LARGE2: variants seen among roughly 807,000 people sequenced by gnomAD.
LARGE2 encodes xylosyl- and glucuronyltransferase LARGE2.
LARGE2 carries 63 observed loss-of-function variants against 75.3 expected under a neutral mutation model. The ratio of observed to expected loss-of-function variants is 0.84; its 90% CI spans 0.68 to 1.03. The LOEUF (loss-of-function observed/expected upper bound fraction) is 1.03, where lower values mean the gene tolerates loss of function less well. Among genes scored for constraint, LARGE2 ranks in the 50% least tolerant of loss-of-function variants. LARGE2 has a pLI of 0.00. For missense variants in LARGE2, 925 were observed against 980.6 expected (o/e 0.94, Z 0.76); for synonymous variants, 428 against 420.1 (o/e 1.02, Z -0.23).
Position 45,926,516 on chromosome 11 carries a change from G to T in LARGE2, c.1083G>T (p.Leu361=). The T allele has an allele frequency of 6.2e-7, 1 of 1,614,120 alleles. No individual in the cohort carries two copies. The highest frequency in any genetic ancestry group is 8.5e-7 in the Non-Finnish European group (1 of 1,180,022). Residue 361 remains leucine, a synonymous_variant, in exon 9 of 14, where the codon CTG becomes CTT. Coordinates refer to ENST00000401752, the MANE Select transcript of LARGE2 (RefSeq NM_001300721.2). The part of the protein sequence containing the change: ...KHVEFFRNFY[L]TFLEYDGNLL... Reference sequence around the variant, plus strand: ...TGGAATTCTTCCGCAATTTCTACCTGACCTTCCTGGAGTACGATGGGAACC... The same window carrying T: ...TGGAATTCTTCCGCAATTTCTACCTTACCTTCCTGGAGTACGATGGGAACC...
chr11:45,926,200 T>C (rs1252832028), intron 7 of LARGE2, 22 bp from the exon 8 acceptor site: 2 of 1,612,900 alleles, frequency 1.2e-6, no homozygotes, highest in South Asian at 2.2e-5. Flanking sequence ...GGGGCTGGGA[T>C]GTGATGGGTG....
rs192641010 is a variant in LARGE2, at chr11:45,927,271, T to C, written c.1326-44T>C. ...GGTTTGCCAGGCCTCCCTGAGCTCC[T>C]GTGCAAGAGGGGCAGAGCTGTGCTG... On this transcript the variant is annotated intron_variant, in intron 10 of 13. Transcript: ENST00000401752. 3.2e-6 allele frequency: 5 copies of C among 1,572,268 alleles called. No individual in the cohort carries two copies. In the African/African-American group the frequency reaches 6.7e-5, roughly 21 times the overall value.
intron 6 of LARGE2, among the ~76,000 whole-genome samples, chr11:45,925,239 A>G (rs953296665): frequency 2.4e-4 from 36 of 152,198 alleles, no homozygotes; most frequent in African/African-American, 8.7e-4. Context: ...TCTACGAGCA[A>G]GCTGGGTGCA....
chr11:45,922,811 C>G lies in LARGE2; in HGVS notation c.-62-10C>G. On this transcript the variant is annotated splice_polypyrimidine_tract_variant and intron_variant, in intron 1 of 13. Transcript: ENST00000401752. ...GGGCTGAGTCTCCCATCTCGCCCCT[C>G]GGTCCGCAGGGCCTGCGATGGAGCC... The G allele has an allele frequency of 8.6e-7, 1 of 1,164,080 alleles. No individual in the cohort carries two copies. Among genetic ancestry groups the G allele is most frequent in the African/African-American group, 1.6e-5 (1 of 62,904 alleles). The allele number at this position is 1,164,080 out of a possible 1,614,324, so 72.1% of individuals were successfully genotyped here.
chr11:45,927,719 T>C, intron 11 of LARGE2, 126 bp downstream of exon 11: 2 of 1,462,456 alleles, frequency 1.4e-6, no homozygotes, highest in Non-Finnish European at 1.9e-6. Flanking sequence ...TTGGGGTTTG[T>C]ATTAGGCTGT....
At chr11:45,928,594 G>A in intron 13 of LARGE2, 36 bp from the exon 14 acceptor site, 1 of 1,597,302 alleles carries the variant, frequency 6.3e-7, no homozygotes, top group Non-Finnish European at 8.5e-7. Flanking sequence ...GGCCAGGCAA[G>A]CCAGGCAGCC....
intron 13 of LARGE2, 70 bp from the exon 14 acceptor site, chr11:45,928,560 C>A: frequency 1.3e-6 from 2 of 1,575,644 alleles, no homozygotes; most frequent in Non-Finnish European, 1.7e-6. Flanking sequence ...TAAGCCTGTT[C>A]TCTGGAGCTG....
chr11:45,922,155 C>T (rs1039568003), upstream of LARGE2, among the ~76,000 whole-genome samples: 2 of 152,082 alleles, frequency 1.3e-5, no homozygotes, highest in Admixed American at 6.5e-5. Flanking sequence ...CGGCAGGGCC[C>T]GGCCGGGCCA....
At chr11:45,925,705 T>C (rs187125753) in intron 6 of LARGE2, among the ~76,000 whole-genome samples, 18 of 151,594 alleles carry the variant, frequency 1.2e-4, no homozygotes, top group African/African-American at 4.1e-4. Context: ...ATAAAAAGGA[T>C]AGGTGTGGTG....
intron 10 of LARGE2, 111 bp from the exon 11 acceptor site, chr11:45,927,204 A>G (rs2087190494): frequency 8.2e-7 from 1 of 1,218,334 alleles, no homozygotes; most frequent in South Asian, 1.4e-5. Flanking sequence ...AAGGGTGCTC[A>G]GTAAGTCACT....
At position 45,926,735 on chromosome 11, in the gene LARGE2, G is replaced by A. The variant is rs746753031; in HGVS notation, c.1189G>A (p.Asp397Asn). 3 of 1,613,608 alleles carry A rather than the reference G, an allele frequency of 1.9e-6. No individual in the cohort carries two copies. Among genetic ancestry groups the A allele is most frequent in the South Asian group, 1.1e-5 (1 of 91,064 alleles). Reference protein sequence around the residue: ...EQLQQALAQLDEEDPCFEFRQ... With the variant: ...EQLQQALAQLNEEDPCFEFRQ... ...GTTGCAGCAGGCCCTGGCACAACTG[G>A]ACGAGGAAGACCCCTGCTTTGAGTT... Residue 397 changes from aspartate (D) to asparagine (N), a missense_variant, in exon 10 of 14, where the codon GAC (aspartate) becomes AAC (asparagine). Physicochemically the swap from Asp to Asn is conservative, Grantham distance 23. Coordinates refer to ENST00000401752, the MANE Select transcript of LARGE2 (RefSeq NM_001300721.2).
At position 45,928,914 on chromosome 11, in the gene LARGE2, C is replaced by T; in HGVS notation, c.*69C>T. 6.3e-7 allele frequency: 1 copy of T among 1,575,428 alleles called. No individual in the cohort carries two copies. Among genetic ancestry groups the T allele is most frequent in the Non-Finnish European group, 8.6e-7 (1 of 1,159,220 alleles). On this transcript the variant is annotated 3_prime_UTR_variant, in exon 14 of 14. Transcript: ENST00000401752. ...CAGGGCAACCTGCCCTCCGCCATCCCTGCTATTTAAATTATTTAAGGTCTC... is the reference window on the plus strand; with the variant it reads ...CAGGGCAACCTGCCCTCCGCCATCCTTGCTATTTAAATTATTTAAGGTCTC...
chr11:45,924,253 C>T lies in LARGE2; in HGVS notation c.468C>T (p.Ser156=). 2.5e-6 allele frequency: 4 copies of T among 1,613,536 alleles called. No homozygotes were observed. The South Asian group carries it at 4.4e-5, about 18-fold the overall frequency. Residue 156 remains serine (S), a synonymous_variant, in exon 4 of 14, where the codon AGC becomes AGT. Coordinates refer to ENST00000401752, the MANE Select transcript of LARGE2 (RefSeq NM_001300721.2). The stretch of plus-strand genomic sequence containing the variant: ...GGATGGTGCCTGCTGTCCGTGTCAG[C>T]TTTTATCATGCCGACCAGCTCAAGG... ...HTWMVPAVRV[S]FYHADQLKPQ...
rs1438648322 is a variant in LARGE2 at position 45,926,861 on chromosome 11, T to C, written c.1315T>C (p.Ser439Pro). The C allele has an allele frequency of 2.5e-6, 4 of 1,610,716 alleles. No individual in the cohort carries two copies. Among genetic ancestry groups the C allele is most frequent in the Admixed American group, 1.7e-5 (1 of 59,862 alleles). The change falls in exon 10 of 14, where the codon TCC (serine) becomes CCC (proline). Residue 439 changes from serine to proline, a missense_variant. By Grantham distance (74) the Ser-to-Pro change is moderately conservative. This residue lies in a region of LARGE2 where 469 missense variants were observed against 503.8 expected (regional missense o/e 0.93). Transcript: ENST00000401752. ...CGATGTCACCCTTGTGGCCCAGCTG[T>C]CCATGGACCGGTGAGGGTGCAGAGG... Reference protein sequence around the residue: ...PHDVTLVAQLSMDRLQMLEAL... With the variant: ...PHDVTLVAQLPMDRLQMLEAL...
At chr11:45,923,841 C>T (rs55644523) in intron 3 of LARGE2, among the ~76,000 whole-genome samples, 24,918 of 151,074 alleles carry the variant, frequency 0.16, 2,392 homozygotes, top group Non-Finnish European at 0.21. Context: ...AAAAAATTAG[C>T]CGGGCGTAGT....
chr11:45,925,908 A>T (rs1026155392), intron 6 of LARGE2, 131 bp from the exon 7 acceptor site: 4 of 760,006 alleles, frequency 5.3e-6, no homozygotes, highest in Admixed American at 2.9e-5. Context: ...AACAAAAAAC[A>T]AGTAGTCCAT....
intron 13 of LARGE2, 46 bp from the exon 14 acceptor site, chr11:45,928,584 G>C (rs779564075): frequency 6.3e-7 from 1 of 1,592,692 alleles, no homozygotes; most frequent in Non-Finnish European, 8.6e-7. Context: ...CTTCCCCGCA[G>C]GCCAGGCAAG....
In LARGE2 at chr11:45,924,227, T is replaced by A. The variant is rs770535694; in HGVS notation, c.442T>A (p.Trp148Arg). Residue 148 changes from tryptophan (W) to arginine (R), a missense_variant, in exon 4 of 14, where the codon TGG becomes AGG. Around this residue, in one of 3 missense-constraint regions of LARGE2, gnomAD observed 453 missense variants for 460.2 expected, o/e 0.98. Coordinates refer to ENST00000401752, the MANE Select transcript of LARGE2 (RefSeq NM_001300721.2). The stretch of plus-strand genomic sequence containing the variant: ...CATCCTGGAGACGCTCTTCCACACA[T>A]GGATGGTGCCTGCTGTCCGTGTCAG... ...RNILETLFHT[W>R]MVPAVRVSFY... 2.7e-5 allele frequency: 43 copies of A among 1,613,460 alleles called. No homozygotes were observed. Among genetic ancestry groups the A allele is most frequent in the African/African-American group, 4.0e-5 (3 of 74,868 alleles).
Position 45,926,061 on chromosome 11 carries a change from C to T in LARGE2, c.792C>T (p.Asp264=). Reference sequence around the variant, plus strand: ...CAGGTGTGATCCTGCTGCGGCTGGACCGGCTCCGGCAGGCTGGCTGGGAGC... The same window carrying T: ...CAGGTGTGATCCTGCTGCGGCTGGATCGGCTCCGGCAGGCTGGCTGGGAGC... ...FNTGVILLRL[D]RLRQAGWEQM... Residue 264 remains aspartate, a synonymous_variant, in exon 7 of 14, where the codon GAC becomes GAT. Coordinates refer to ENST00000401752, the MANE Select transcript of LARGE2 (RefSeq NM_001300721.2). 8 of 1,557,916 alleles carry T rather than the reference C, an allele frequency of 5.1e-6. No individual in the cohort carries two copies. Among genetic ancestry groups the T allele is most frequent in the Non-Finnish European group, 7.0e-6 (8 of 1,150,988 alleles).
Sources: gnomAD v4.1 joint callset for allele counts (sites outside exome capture counted in the v4.1 genomes callset) on GRCh38, gnomAD v4.1.1 for gene constraint, gnomAD v4.1.1 regional missense constraint, MANE v1.5 for transcripts, NCBI Gene and HGNC (gene_info 2026-07-23, HGNC 2026-07-21) for gene names.